DNAAF4: variants seen among roughly 807,000 people sequenced by gnomAD.
DNAAF4 encodes dynein assembly factor 4, axonemal.
In DNAAF4, 43 loss-of-function variants were observed where a neutral mutation model predicts 51.8. The ratio of observed to expected loss-of-function variants is 0.83; its 90% CI spans 0.65 to 1.07. DNAAF4 has a LOEUF of 1.07. Ranked by LOEUF, DNAAF4 falls within the 50% of genes least tolerant of loss-of-function variation. DNAAF4 has a pLI of 0.00. For synonymous variants in DNAAF4, 194 were observed against 165.6 expected (o/e 1.17, Z -1.32); for missense variants, 581 against 493.0 (o/e 1.18, Z -1.69).
At chr15:55,484,318 C>A (rs1392304992) in intron 4 of DNAAF4, among the ~76,000 whole-genome samples, 1 of 151,736 alleles carries the variant, frequency 6.6e-6, no homozygotes, top group Non-Finnish European at 1.5e-5. Context: ...CCTGTCTCTA[C>A]TAAAAATACA....
intron 6 of DNAAF4, chr15:55,443,166 C>T: frequency 6.2e-7 from 1 of 1,610,606 alleles, no homozygotes; most frequent in Non-Finnish European, 8.5e-7. Flanking sequence ...TCTTCATAAA[C>T]TGGTCAAAGA....
At chr15:55,441,567 C>T (rs911498118) in intron 6 of DNAAF4, among the ~76,000 whole-genome samples, 4 of 151,642 alleles carry the variant, frequency 2.6e-5, no homozygotes, top group African/African-American at 9.7e-5. Context: ...TCCCCCCTCC[C>T]ACCACCCCAC....
At chr15:55,472,680 C>T (rs571565850) in intron 4 of DNAAF4, among the ~76,000 whole-genome samples, 1 of 152,084 alleles carries the variant, frequency 6.6e-6, no homozygotes, top group South Asian at 2.1e-4. Flanking sequence ...ATGCCATTTA[C>T]TACAGGTTAT....
Position 55,432,586 on chromosome 15 carries a change from A to G in DNAAF4, c.1064T>C (p.Met355Thr). 2 of 1,611,650 alleles carry G rather than the reference A, an allele frequency of 1.2e-6. No homozygotes were observed. The highest frequency in any genetic ancestry group is 1.7e-6 in the Non-Finnish European group (2 of 1,178,388). The change falls in exon 9 of 10, where the codon ATG becomes ACG. Residue 355 changes from methionine to threonine, a missense_variant. By Grantham distance (81) the Met-to-Thr change is moderately conservative. Coordinates refer to ENST00000321149, the MANE Select transcript of DNAAF4 (RefSeq NM_130810.4). ...ATTAGCATTGTCTGTAACAGGTGGC[A>G]TCAATAATTCCAGTGCCTTACAAAA... ...EDSSKALELL[M>T]PPVTDNANAR...
chr15:55,428,926 A>C (rs1014140512), downstream of DNAAF4, among the ~76,000 whole-genome samples: 3 of 152,056 alleles, frequency 2.0e-5, no homozygotes, highest in Non-Finnish European at 4.4e-5. Context: ...TAGACCTTTA[A>C]ACTAAATTTG....
chr15:55,482,577 G>C (rs1460219057), intron 4 of DNAAF4, among the ~76,000 whole-genome samples: 3 of 152,230 alleles, frequency 2.0e-5, no homozygotes, highest in South Asian at 4.1e-4. Flanking sequence ...TACTCAGGAG[G>C]CTGAGGCAGG....
rs1310436829 is a variant in DNAAF4 at position 55,467,158 on chromosome 15, C to T, written c.409G>A (p.Glu137Lys). The change falls in exon 5 of 10, where the codon GAA becomes AAA. Residue 137 changes from glutamate to lysine, a missense_variant. Physicochemically the swap from Glu to Lys is moderately conservative, Grantham distance 56 (BLOSUM62 1). Coordinates refer to ENST00000321149, the MANE Select transcript of DNAAF4 (RefSeq NM_130810.4). ...KYALSVMMKIEEEERKKIEDM... is the reference protein window; with the variant it reads ...KYALSVMMKIKEEERKKIEDM... ...TCTATTTTTTTCCTCTCTTCTTCTT[C>T]AATCTATAACAATTGCAATTACCAA... The T allele has an allele frequency of 6.6e-7, 1 of 1,524,806 alleles. No individual in the cohort carries two copies. The highest frequency in any genetic ancestry group is 8.8e-7 in the Non-Finnish European group (1 of 1,134,528). The allele number at this position is 1,524,806 out of a possible 1,614,324, so 94.5% of individuals were successfully genotyped here. A position where few individuals can be genotyped will look rare whatever the true frequency, so the allele number is the denominator to read the frequency against.
In DNAAF4 at chr15:55,498,438, G is replaced by A. The variant is rs2058669456; in HGVS notation, c.-109C>T. On this transcript the variant is annotated 5_prime_UTR_variant, in exon 2 of 10. Coordinates refer to ENST00000321149, the MANE Select transcript of DNAAF4 (RefSeq NM_130810.4). ...CAGCCCTTCCGGGTCAGGCCGGCCG[G>A]GAGCCCGGCGTTCCCAGCGTGCTCC... 1.4e-6 allele frequency: 2 copies of A among 1,472,516 alleles called. No individual in the cohort carries two copies. Among genetic ancestry groups the A allele is most frequent in the African/African-American group, 2.9e-5 (2 of 70,128 alleles). The allele number at this position is 1,472,516 out of a possible 1,614,324, so 91.2% of individuals were successfully genotyped here. A position where few individuals can be genotyped will look rare whatever the true frequency, so the allele number is the denominator to read the frequency against.
chr15:55,464,322 T>TA (rs1328886040), intron 5 of DNAAF4, among the ~76,000 whole-genome samples: 6 of 152,196 alleles, frequency 3.9e-5, no homozygotes, highest in Non-Finnish European at 4.4e-5. Context: ...ATCAAAGACT[T>TA]AAGTCTAAGA....
chr15:55,432,476 C>CCGTT, intron 9 of DNAAF4, 21 bp downstream of exon 9: 1 of 1,591,778 alleles, frequency 6.3e-7, no homozygotes, highest in Non-Finnish European at 8.6e-7. Flanking sequence ...GGGACTTAAA[C>CCGTT]CATTTCTATC....
downstream of DNAAF4, among the ~76,000 whole-genome samples, chr15:55,429,259 C>T (rs191487937): frequency 1.4e-4 from 22 of 151,968 alleles, 1 homozygote; most frequent in East Asian, 3.7e-3. Flanking sequence ...GTGGCTCATG[C>T]CTGTAATCCC....
Position 55,491,214 on chromosome 15 carries a change from A to C in DNAAF4, c.314T>G (p.Leu105Ter). The C allele has an allele frequency of 6.2e-7, 1 of 1,613,708 alleles. No homozygotes were observed. Among genetic ancestry groups the C allele is most frequent in the South Asian group, 1.1e-5 (1 of 91,030 alleles). The change falls in exon 4 of 10, where the codon TTA becomes TGA. Residue 105 changes from leucine to a stop codon, truncating the protein, a stop_gained. Coordinates refer to ENST00000321149, the MANE Select transcript of DNAAF4 (RefSeq NM_130810.4). LOFTEE classifies it high-confidence loss of function. ...MMQRIREKSILQAQERAKEAT... is the reference protein window; with the variant it reads ...MMQRIREKSI Reference sequence around the variant, plus strand: ...TTCTTTTGCTCTCTCTTGTGCTTGTAAAATAGATTTTTCTCTAATTCTTTG... The same window carrying C: ...TTCTTTTGCTCTCTCTTGTGCTTGTCAAATAGATTTTTCTCTAATTCTTTG...
chr15:55,452,147 C>G (rs1195387669), intron 5 of DNAAF4, among the ~76,000 whole-genome samples: 1 of 142,644 alleles, frequency 7.0e-6, no homozygotes, highest in Non-Finnish European at 1.5e-5. Context: ...ATTTGGGAAG[C>G]TGAGGCAGGA....
intron 1 of DNAAF4, among the ~76,000 whole-genome samples, chr15:55,502,033 G>C (rs528479715): frequency 2.7e-4 from 40 of 150,688 alleles, no homozygotes; most frequent in Non-Finnish European, 4.9e-4. Context: ...ACAAGAGCAA[G>C]ACTCTGTCTC....
At chr15:55,438,766 T>C (rs1056103467) in intron 7 of DNAAF4, among the ~76,000 whole-genome samples, 5 of 140,418 alleles carry the variant, frequency 3.6e-5, no homozygotes, top group Non-Finnish European at 7.7e-5. Context: ...GCCTGGGTGA[T>C]AAAATGAGAC....
At chr15:55,485,994 CAAAAA>C (rs55936805) in intron 4 of DNAAF4, among the ~76,000 whole-genome samples, 1 of 77,712 alleles carries the variant, frequency 1.3e-5, no homozygotes, top group Non-Finnish European at 2.5e-5. Context: ...GACTCCATCT[CAAAAA>C]AAAAAAAAAA....
chr15:55,427,206 C>T (rs565916985), downstream of DNAAF4, among the ~76,000 whole-genome samples: 36 of 152,176 alleles, frequency 2.4e-4, 1 homozygote, highest in South Asian at 7.5e-3. Context: ...GCTGGGATTA[C>T]AGGTGCCCGC....
At chr15:55,488,997 A>G (rs1818701641) in intron 4 of DNAAF4, among the ~76,000 whole-genome samples, 1 of 151,996 alleles carries the variant, frequency 6.6e-6, no homozygotes, top group Non-Finnish European at 1.5e-5. Context: ...GCTGAGGCAG[A>G]AGAATGGTGT....
intron 8 of DNAAF4, among the ~76,000 whole-genome samples, chr15:55,432,936 C>G (rs968741661): frequency 4.0e-5 from 6 of 150,812 alleles, no homozygotes; most frequent in African/African-American, 1.5e-4. Context: ...GGTGACAGAG[C>G]GAGAATCCGT....
Sources: allele counts gnomAD v4.1 joint callset (sites outside exome capture counted in the v4.1 genomes callset), GRCh38; gene constraint gnomAD v4.1.1; transcripts MANE v1.5; gene names NCBI Gene and HGNC (gene_info 2026-07-23, HGNC 2026-07-21).